Variants in ATP11A observed in about 807,000 individuals in gnomAD.
The protein encoded by ATP11A is phospholipid-transporting ATPase IH.
In ATP11A, 81 loss-of-function variants were observed where a neutral mutation model predicts 154.4. That is an observed-to-expected ratio of 0.52 (90% CI 0.44 to 0.63). ATP11A has a LOEUF of 0.63. Among genes scored for constraint, ATP11A ranks in the 30% least tolerant of loss-of-function variants. ATP11A has a pLI of 0.00. For missense variants in ATP11A, 1,316 were observed against 1,474.3 expected (o/e 0.89, Z 1.76); for synonymous variants, 623 against 585.9 (o/e 1.06, Z -0.91).
chr13:112,760,229 A>G (rs952859600), intron 1 of ATP11A, among the ~76,000 whole-genome samples: 2 of 152,170 alleles, frequency 1.3e-5, no homozygotes, highest in Non-Finnish European at 2.9e-5. Flanking sequence ...AATTATTCAA[A>G]ATTCATAGTA....
At chr13:112,775,065 C>T (rs1338939839) in intron 1 of ATP11A, among the ~76,000 whole-genome samples, 6 of 152,234 alleles carry the variant, frequency 3.9e-5, no homozygotes, top group South Asian at 2.1e-4. Context: ...TGAGGGACAG[C>T]GAGTGGGTTG....
chr13:112,772,132 T>C (rs2077240093), intron 1 of ATP11A, among the ~76,000 whole-genome samples: 1 of 152,220 alleles, frequency 6.6e-6, no homozygotes, highest in African/African-American at 2.4e-5. Context: ...CAAATCACCT[T>C]ATCTTTGTTG....
At chr13:112,735,839 T>C (rs1053616171) in intron 1 of ATP11A, among the ~76,000 whole-genome samples, 2 of 152,360 alleles carry the variant, frequency 1.3e-5, no homozygotes, top group South Asian at 4.1e-4. Flanking sequence ...AGTCGCTAAG[T>C]TGGGCTCAGC....
intron 27 of ATP11A, 25 bp downstream of exon 27, chr13:112,873,701 A>G (rs1399587531): frequency 6.4e-7 from 1 of 1,565,542 alleles, no homozygotes; most frequent in East Asian, 2.2e-5. Context: ...AGTAGCTGAT[A>G]ATCTGATAAA....
chr13:112,853,059 A>AT (rs891377243), intron 18 of ATP11A, among the ~76,000 whole-genome samples: 7 of 151,506 alleles, frequency 4.6e-5, no homozygotes, highest in Non-Finnish European at 7.4e-5. Context: ...CATCTCTTGA[A>AT]TTTTTTTTTA....
chr13:112,784,316 C>T (rs995786100), intron 1 of ATP11A, among the ~76,000 whole-genome samples: 6 of 152,194 alleles, frequency 3.9e-5, no homozygotes, highest in African/African-American at 1.2e-4. Flanking sequence ...ATATTCACAC[C>T]GCGGGCATGT....
At chr13:112,861,294 C>A (rs2080096783) in intron 24 of ATP11A, among the ~76,000 whole-genome samples, 1 of 152,178 alleles carries the variant, frequency 6.6e-6, no homozygotes. Context: ...CAAACCCTAT[C>A]ATAAATTAAA....
At chr13:112,720,551 C>CTGTT (rs768684758) in intron 1 of ATP11A, among the ~76,000 whole-genome samples, 14 of 152,084 alleles carry the variant, frequency 9.2e-5, no homozygotes, top group African/African-American at 3.4e-4. Context: ...TGGGTAGAGT[C>CTGTT]TGTTTGTTTT....
rs1315689267 is a variant in ATP11A at position 112,697,123 on chromosome 13, T to TCTGGGAGCC, written c.39+6674_39+6682dup. Among the ~76,000 whole-genome samples the TCTGGGAGCC allele has an allele frequency of 6.6e-6, 1 of 152,144 alleles. No homozygotes were observed. Among genetic ancestry groups the TCTGGGAGCC allele is most frequent in the Non-Finnish European group, 1.5e-5 (1 of 68,004 alleles). On this transcript the variant is annotated intron_variant, in intron 1 of 29. Transcript: ENST00000375645. This position sits in a 1 kb window ranked among gnomAD's most constrained non-coding sequence, Gnocchi z 4.0. Reference sequence around the variant, plus strand: ...CTGAGGGGCGGCCCACGCAGCAGCCTCTGGGAGCCCTGGGGCCTTCCGTGG... The same window carrying TCTGGGAGCC: ...CTGAGGGGCGGCCCACGCAGCAGCCTCTGGGAGCCCTGGGAGCCCTGGGGCCTTCCGTGG...
intron 1 of ATP11A, among the ~76,000 whole-genome samples, chr13:112,691,016 A>G: frequency 6.6e-6 from 1 of 152,254 alleles, no homozygotes; most frequent in East Asian, 1.9e-4. Context: ...GTAACCAATT[A>G]GATCAGAAGT....
chr13:112,692,583 C>T (rs751759662), intron 1 of ATP11A, among the ~76,000 whole-genome samples: 2 of 152,120 alleles, frequency 1.3e-5, no homozygotes, highest in Non-Finnish European at 2.9e-5. Context: ...TTAATCTAAG[C>T]GGTAAATATT....
At chr13:112,862,023 C>CACAGCAGGCGTAAGGT (rs2080121031) in intron 24 of ATP11A, among the ~76,000 whole-genome samples, 5 of 44,640 alleles carry the variant, frequency 1.1e-4, no homozygotes, top group Admixed American at 7.0e-4. Flanking sequence ...AGGCGTAAGG[C>CACAGCAGGCGTAAGGT]GTCACGTCAG....
At chr13:112,810,188 A>G (rs2078449609) in intron 4 of ATP11A, among the ~76,000 whole-genome samples, 2 of 152,114 alleles carry the variant, frequency 1.3e-5, no homozygotes, top group Non-Finnish European at 2.9e-5. Context: ...GAAGGTTGAC[A>G]CTCAGCGGGT....
intron 1 of ATP11A, among the ~76,000 whole-genome samples, chr13:112,705,483 A>G (rs1887046763): frequency 6.9e-6 from 1 of 144,686 alleles, no homozygotes; most frequent in African/African-American, 2.9e-5. Context: ...TCTCCTGGAG[A>G]CTGGGCAAGG....
chr13:112,882,023 A>T lies in ATP11A; in HGVS notation c.*157A>T, dbSNP rs2080899273. 7.3e-7 allele frequency: 1 copy of T among 1,367,716 alleles called. No homozygotes were observed. The highest frequency in any genetic ancestry group is 4.6e-5 in the East Asian group (1 of 21,964). The allele number at this position is 1,367,716 out of a possible 1,614,324, so 84.7% of individuals were successfully genotyped here. ...CCATCACCACTGCAGTTCCATCCCA[A>T]GTCACAGCTGCCCTAGGTCCCGTGT... is the stretch of plus-strand genomic sequence containing the variant. On this transcript the variant is annotated 3_prime_UTR_variant, in exon 30 of 30. Transcript: ENST00000375645. This position sits in a 1 kb window ranked among gnomAD's most constrained non-coding sequence, Gnocchi z 5.1.
rs991916757 is a variant in ATP11A, at chr13:112,854,177, T to C, written c.1992-102T>C. The C allele has an allele frequency of 6.1e-6, 9 of 1,471,586 alleles. No individual in the cohort carries two copies. The African/African-American group carries it at 1.3e-4, about 21-fold the overall frequency. 91.2% of individuals were successfully genotyped at this position (1,471,586 alleles called of 1,614,324 possible). ...GTGGAGTGTTTTGATTTTGAGGGGC[T>C]ACGATATTTTGACAGCTTTGCAAGT... is the stretch of plus-strand genomic sequence containing the variant. On this transcript the variant is annotated intron_variant, in intron 18 of 29. Coordinates refer to ENST00000375645, the MANE Select transcript of ATP11A (RefSeq NM_015205.3).
chr13:112,805,585 A>G (rs956856948), intron 3 of ATP11A, among the ~76,000 whole-genome samples: 15 of 151,394 alleles, frequency 9.9e-5, no homozygotes, highest in South Asian at 6.3e-4. Context: ...CTGAGGCAGG[A>G]GAATCACTTG....
intron 1 of ATP11A, among the ~76,000 whole-genome samples, chr13:112,744,531 T>G (rs146800538): frequency 7.9e-4 from 120 of 152,342 alleles, no homozygotes; most frequent in African/African-American, 2.4e-3. Context: ...GCTTCTCACG[T>G]GAAAGCTGAT....
At chr13:112,777,004 A>G (rs2077365193) in intron 1 of ATP11A, among the ~76,000 whole-genome samples, 1 of 152,178 alleles carries the variant, frequency 6.6e-6, no homozygotes, top group African/African-American at 2.4e-5. Context: ...TCTGAAACGC[A>G]GCGTCTTGCC....
Sources: allele counts gnomAD v4.1 joint callset (sites outside exome capture counted in the v4.1 genomes callset), GRCh38; gene constraint gnomAD v4.1.1; non-coding constraint Gnocchi (gnomAD v3.1); transcripts MANE v1.5; gene names NCBI Gene and HGNC (gene_info 2026-07-23, HGNC 2026-07-21).